The following DNM3 variants were observed in gnomAD, a reference collection of about 807,000 sequenced individuals.
DNM3 encodes the protein dynamin 3.
Under a neutral mutation model 101.6 loss-of-function variants are expected in DNM3, and 47 were observed. That is an observed-to-expected ratio of 0.46 (90% CI 0.37 to 0.59). The LOEUF (loss-of-function observed/expected upper bound fraction) is 0.59, where lower values mean the gene tolerates loss of function less well. Among genes scored for constraint, DNM3 ranks in the 20% least tolerant of loss-of-function variants. The pLI is 0.00. For synonymous variants in DNM3, 385 were observed against 387.9 expected, an observed-to-expected ratio of 0.99 and a Z score of 0.09; for missense variants, 849 against 1,085.7, an observed-to-expected ratio of 0.78 and a Z score of 3.06.
Position 172,269,442 on chromosome 1 carries a change from T to C in DNM3, c.1769+15760T>C, listed in dbSNP as rs150718689. Among the ~76,000 whole-genome samples the C allele has an allele frequency of 3.8e-3, 585 of 152,248 alleles. 9 individuals carry two copies. The highest frequency in any genetic ancestry group is 0.013 in the African/African-American group (552 of 41,550). ...TAATGATAGGGGACCCAATCGCTAGTTGTAAACATGCTACAGAAAAAATAT... is the reference window on the plus strand; with the variant it reads ...TAATGATAGGGGACCCAATCGCTAGCTGTAAACATGCTACAGAAAAAATAT... On this transcript the variant is annotated intron_variant, in intron 15 of 20. Transcript: ENST00000627582.
chr1:172,264,753 G>A (rs141419136), intron 15 of DNM3, among the ~76,000 whole-genome samples: 5 of 152,122 alleles, frequency 3.3e-5, no homozygotes, highest in African/African-American at 9.6e-5. Flanking sequence ...TAATCTCGTC[G>A]GTCTTTCTTA....
intron 14 of DNM3, chr1:172,139,729 A>T (rs2057465262): frequency 6.6e-6 from 1 of 152,142 alleles, no homozygotes; most frequent in Admixed American, 6.6e-5. Flanking sequence ...GTTACAAAAT[A>T]GTACTTAAGA....
At chr1:172,252,050 G>T (rs770669894) in intron 14 of DNM3, among the ~76,000 whole-genome samples, 14 of 152,062 alleles carry the variant, frequency 9.2e-5, no homozygotes, top group Admixed American at 7.9e-4. Context: ...CTTAACTTTT[G>T]TTGTAGAAAT....
chr1:171,875,813 CT>C lies in DNM3; in HGVS notation c.161+34012del, dbSNP rs60523795. ...CAAGTCTAAAAAAAGAGTTGTCTCT[CT>C]TTTTTTTTTTTTTTTGAGATGGAGT... On this transcript the variant is annotated intron_variant, in intron 1 of 20. Transcript: ENST00000627582. Among the ~76,000 whole-genome samples, 184 of 104,658 alleles carry C rather than the reference CT, an allele frequency of 1.8e-3. 1 individual carries two copies. The highest frequency in any genetic ancestry group is 6.8e-3 in the Middle Eastern group (1 of 146). The allele number at this position is 104,658 out of a possible 152,430, so 68.7% of individuals were successfully genotyped here. A position where few individuals can be genotyped will look rare whatever the true frequency, so the allele number is the denominator to read the frequency against.
At chr1:171,852,853 G>A (rs897351096) in intron 1 of DNM3, among the ~76,000 whole-genome samples, 4 of 152,188 alleles carry the variant, frequency 2.6e-5, no homozygotes, top group African/African-American at 7.2e-5. Context: ...GTAGTCAGGA[G>A]AGGGGTTGAA....
At chr1:172,110,178 G>A (rs2055359737) in intron 13 of DNM3, among the ~76,000 whole-genome samples, 1 of 152,160 alleles carries the variant, frequency 6.6e-6, no homozygotes, top group Non-Finnish European at 1.5e-5. Context: ...CAGGTCTCCA[G>A]TCAGCTTCAA....
At chr1:172,038,629 T>C (rs1037919186) in intron 7 of DNM3, among the ~76,000 whole-genome samples, 168 bp downstream of exon 7, 2 of 152,196 alleles carry the variant, frequency 1.3e-5, no homozygotes, top group African/African-American at 4.8e-5. Flanking sequence ...TGAACAAGAA[T>C]TATTGGTATT....
intron 14 of DNM3, 74 bp from the exon 15 acceptor site, chr1:172,253,499 C>A: frequency 8.8e-6 from 1 of 113,724 alleles, no homozygotes. Flanking sequence ...TCTCTCCTCT[C>A]CTCTCCTCTC....
In DNM3 at chr1:172,033,218, A is replaced by T. The variant is rs754778626; in HGVS notation, c.802A>T (p.Ile268Phe). Residue 268 changes from isoleucine to phenylalanine, a missense_variant, in exon 6 of 21, where the codon ATC (isoleucine) becomes TTC (phenylalanine). Ile to Phe is a conservative substitution (Grantham distance 21, BLOSUM62 0). Transcript: ENST00000627582. ...FFLSHPAYRH[I>F]ADRMGTPHLQ... is the part of the protein sequence containing the mutation. ...CCTTTCCCACCCGGCTTACAGACAT[A>T]TCGCTGACCGAATGGGAACCCCACA... is the stretch of plus-strand genomic sequence containing the variant. 8 of 1,607,476 alleles carry T rather than the reference A, an allele frequency of 5.0e-6. No individual in the cohort carries two copies. Among genetic ancestry groups the T allele is most frequent in the Admixed American group, 1.7e-5 (1 of 59,150 alleles).
At chr1:172,067,071 A>G (rs2051739099) in intron 10 of DNM3, among the ~76,000 whole-genome samples, 1 of 152,134 alleles carries the variant, frequency 6.6e-6, no homozygotes, top group Non-Finnish European at 1.5e-5. Flanking sequence ...GCAAGTTTAA[A>G]TTGTGCTAAT....
At chr1:171,967,769 A>G in intron 2 of DNM3, among the ~76,000 whole-genome samples, 1 of 152,170 alleles carries the variant, frequency 6.6e-6, no homozygotes, top group Admixed American at 6.6e-5. Context: ...TGTTCTGTGC[A>G]GTTCTGTCCA....
chr1:171,860,613 G>A (rs1260376244), intron 1 of DNM3, among the ~76,000 whole-genome samples: 1 of 152,024 alleles, frequency 6.6e-6, no homozygotes, highest in African/African-American at 2.4e-5. Context: ...CATTGCACTA[G>A]ATGCTGTGAT....
intron 18 of DNM3, among the ~76,000 whole-genome samples, chr1:172,381,548 ATC>A (rs1177820476): frequency 1.3e-5 from 2 of 151,326 alleles, no homozygotes; most frequent in African/African-American, 2.4e-5. Flanking sequence ...AAAAATATAT[ATC>A]TCTTTTATTA....
At chr1:171,979,812 T>C (rs2044651330) in intron 2 of DNM3, among the ~76,000 whole-genome samples, 1 of 152,230 alleles carries the variant, frequency 6.6e-6, no homozygotes, top group South Asian at 2.1e-4. Flanking sequence ...CTCTTGACCC[T>C]GAATACTGTT....
At chr1:172,011,444 ATCG>A in intron 4 of DNM3, among the ~76,000 whole-genome samples, 1 of 152,084 alleles carries the variant, frequency 6.6e-6, no homozygotes, top group East Asian at 1.9e-4. Context: ...CATGAACTCC[ATCG>A]ATGTCTCCTC....
At chr1:172,045,529 C>T (rs897139587) in intron 9 of DNM3, among the ~76,000 whole-genome samples, 10 of 152,256 alleles carry the variant, frequency 6.6e-5, no homozygotes, top group African/African-American at 2.4e-4. Flanking sequence ...AAGGCCCTAC[C>T]TCCTACTACC....
intron 16 of DNM3, among the ~76,000 whole-genome samples, chr1:172,313,954 A>AC (rs1223332780): frequency 2.1e-5 from 2 of 95,932 alleles, no homozygotes; most frequent in Admixed American, 2.7e-4. Context: ...CTAGCCCCCT[A>AC]CCCCCCGACA....
In DNM3 at chr1:172,151,541, G is replaced by T. The variant is rs77152925; in HGVS notation, c.1659+20253G>T. On this transcript the variant is annotated intron_variant, in intron 14 of 20. Coordinates refer to ENST00000627582, the MANE Select transcript of DNM3 (RefSeq NM_015569.5). Reference sequence around the variant, plus strand: ...TTACTTTGTTTCCATCTCTCCTCAGGTTCTTCAAGAAAAAACTAGCCTTTG... The same window carrying T: ...TTACTTTGTTTCCATCTCTCCTCAGTTTCTTCAAGAAAAAACTAGCCTTTG... Among the ~76,000 whole-genome samples the T allele has an allele frequency of 3.2e-4, 49 of 152,172 alleles. 2 individuals are homozygous for T. The East Asian group carries it at 7.1e-3, about 22-fold the overall frequency.
At chr1:172,196,010 T>C (rs528955086) in intron 14 of DNM3, among the ~76,000 whole-genome samples, 18 of 151,970 alleles carry the variant, frequency 1.2e-4, no homozygotes, top group Non-Finnish European at 1.9e-4. Context: ...CACCCAGCTA[T>C]TAAGCCCAGT....
Sources: allele counts gnomAD v4.1 joint callset (sites outside exome capture counted in the v4.1 genomes callset), GRCh38; gene constraint gnomAD v4.1.1; transcripts MANE v1.5; gene names NCBI Gene and HGNC (gene_info 2026-07-23, HGNC 2026-07-21).